Variants in PABIR2 observed in about 807,000 individuals in gnomAD.
PABIR2 encodes PABIR family member 2, also known as family with sequence similarity 122B.
PABIR2 carries 7 observed loss-of-function variants against 22.8 expected under a neutral mutation model. The observed-to-expected ratio is 0.31, with a 90% CI of 0.17 to 0.58. PABIR2 has a LOEUF of 0.58. Among genes scored for constraint, PABIR2 ranks in the 20% least tolerant of loss-of-function variants. PABIR2 has a pLI of 0.89. For synonymous variants in PABIR2, 67 were observed against 73.8 expected (o/e 0.91, Z 0.47); for missense variants, 155 against 205.1 (o/e 0.76, Z 1.49).
At chrX:134,773,301 T>C (rs1380533235) in intron 9 of PABIR2, among the ~76,000 whole-genome samples, 2 of 109,758 alleles carry the variant, frequency 1.8e-5, no homozygotes, top group African/African-American at 6.6e-5. Flanking sequence ...GCCTGCCAAG[T>C]GCAGGAAGCA....
intron 2 of PABIR2, chrX:134,793,530 T>C: frequency 2.5e-6 from 1 of 407,932 alleles, no homozygotes; most frequent in Non-Finnish European, 4.5e-6. Flanking sequence ...TCAGCTATAA[T>C]TAGGAGTTAA....
Position 134,773,560 on chromosome X carries a change from G to A in PABIR2, c.660-1277C>T, listed in dbSNP as rs138739014. Among the ~76,000 whole-genome samples, 742 of 112,053 alleles carry A rather than the reference G, an allele frequency of 6.6e-3. 4 individuals are homozygous for A. Among genetic ancestry groups the A allele is most frequent in the African/African-American group, 0.023 (710 of 31,078 alleles). On this transcript the variant is annotated intron_variant, in intron 9 of 9. Transcript: ENST00000343004. Reference sequence around the variant, plus strand: ...TGATATTTGCTATAATCTGAAGGATGAGCAGGTATTAACTAGTTAAGATTT... The same window carrying A: ...TGATATTTGCTATAATCTGAAGGATAAGCAGGTATTAACTAGTTAAGATTT...
chrX:134,777,524 C>CAAA (rs1177263144), intron 9 of PABIR2, among the ~76,000 whole-genome samples: 3 of 29,521 alleles, frequency 1.0e-4, no homozygotes, highest in Non-Finnish European at 1.4e-4. Flanking sequence ...GATCTTGTAT[C>CAAA]AAAAAAAAAA....
At position 134,793,896 on chromosome X, in the gene PABIR2, G is replaced by A. The variant is rs759642907; in HGVS notation, c.99-3C>T. ...GTTGGAAAACCTGTGAAAGGTCACT[G>A]AAAAAAACAAAAACAAACAAACAAA... On this transcript the variant is annotated splice_polypyrimidine_tract_variant and splice_region_variant and intron_variant, in intron 1 of 9. Coordinates refer to ENST00000343004, the MANE Select transcript of PABIR2 (RefSeq NM_001387468.1). The A allele has an allele frequency of 8.4e-7, 1 of 1,196,385 alleles. No individual in the cohort carries two copies. The highest frequency in any genetic ancestry group is 1.1e-6 in the Non-Finnish European group (1 of 890,684).
chrX:134,777,138 C>T (rs1367225923), intron 9 of PABIR2, among the ~76,000 whole-genome samples: 4 of 112,136 alleles, frequency 3.6e-5, no homozygotes, highest in Non-Finnish European at 7.5e-5. Context: ...AGGTTGCCAA[C>T]CTTGGTAGCA....
intron 9 of PABIR2, among the ~76,000 whole-genome samples, chrX:134,779,888 A>G (rs1412094366): frequency 2.7e-5 from 3 of 112,480 alleles, no homozygotes; most frequent in Non-Finnish European, 5.6e-5. Context: ...AGTTTCATCC[A>G]ATAGTCCTCT....
intron 2 of PABIR2, among the ~76,000 whole-genome samples, chrX:134,793,002 T>A (rs2079595456): frequency 1.8e-5 from 2 of 112,025 alleles, no homozygotes; most frequent in Non-Finnish European, 3.8e-5. Flanking sequence ...TTTTTCCCTC[T>A]CCTCCCTTGC....
chrX:134,786,970 GA>G (rs1569428958), intron 7 of PABIR2, among the ~76,000 whole-genome samples: 1 of 110,656 alleles, frequency 9.0e-6, no homozygotes, highest in African/African-American at 3.3e-5. Flanking sequence ...AAAAAGAAAA[GA>G]AAAAACTCTG....
intron 9 of PABIR2, among the ~76,000 whole-genome samples, chrX:134,778,365 G>T (rs955991275): frequency 9.5e-6 from 1 of 105,579 alleles, no homozygotes; most frequent in Non-Finnish European, 2.0e-5. Context: ...TTAGCCGGGC[G>T]TGGTGGTGCA....
At chrX:134,791,462 G>A (rs1194333884) in intron 2 of PABIR2, among the ~76,000 whole-genome samples, 6 of 110,459 alleles carry the variant, frequency 5.4e-5, no homozygotes, top group Non-Finnish European at 9.5e-5. Flanking sequence ...AGAGGGGAAG[G>A]AAAAGGGAAG....
At chrX:134,779,712 AT>A (rs1245564261) in intron 9 of PABIR2, among the ~76,000 whole-genome samples, 1 of 112,885 alleles carries the variant, frequency 8.9e-6, no homozygotes. Context: ...CAATAAAAAA[AT>A]AAGTCACCTC....
rs1392252229 is a variant in PABIR2 at position 134,770,447 on chromosome X, C to T, written c.*1692G>A. 4 of 112,590 alleles carry T rather than the reference C, an allele frequency of 3.6e-5. No homozygotes were observed. Among genetic ancestry groups the T allele is most frequent in the Non-Finnish European group, 7.5e-5 (4 of 53,202 alleles). The allele number at this position is 112,590 out of a possible 1,213,427, so 9.3% of individuals were successfully genotyped here. A position where few individuals can be genotyped will look rare whatever the true frequency, so the allele number is the denominator to read the frequency against. On this transcript the variant is annotated 3_prime_UTR_variant, in exon 10 of 10. Transcript: ENST00000343004. ...CGGATGCTGTAACAGAAGTACTGCA[C>T]GCTAAGTGATGCTCTCTTGTAATTG...
Position 134,776,329 on chromosome X carries a change from G to A in PABIR2, c.660-4046C>T, listed in dbSNP as rs755361709. 1.2e-4 allele frequency among the ~76,000 whole-genome samples: 13 copies of A among 111,374 alleles called. No individual in the cohort carries two copies. In the South Asian group the frequency reaches 1.9e-3, roughly 16 times the overall value. ...GGGTAAGGAAATTTGTAAGTTTTCC[G>A]TTCATAAAAAAGAAAGACTATCATT... On this transcript the variant is annotated intron_variant, in intron 9 of 9. Transcript: ENST00000343004.
Position 134,779,417 on chromosome X carries a change from C to G in PABIR2, c.659+2404G>C, listed in dbSNP as rs973624356. Among the ~76,000 whole-genome samples the G allele has an allele frequency of 9.0e-4, 100 of 111,009 alleles. 3 individuals carry two copies. Among genetic ancestry groups the G allele is most frequent in the Non-Finnish European group, 7.6e-5 (4 of 52,956 alleles). On this transcript the variant is annotated intron_variant, in intron 9 of 9. Coordinates refer to ENST00000343004, the MANE Select transcript of PABIR2 (RefSeq NM_001387468.1). ...CTCCAGCCTGGGCGACAGAGCGAGA[C>G]TCTGTCTCAAAAAAATAAAATAAAA...
Position 134,771,566 on chromosome X carries a change from T to C in PABIR2, c.*573A>G, listed in dbSNP as rs2078838539. 1 of 936,727 alleles carries C rather than the reference T, an allele frequency of 1.1e-6. No homozygotes were observed. The highest frequency in any genetic ancestry group is 1.3e-6 in the Non-Finnish European group (1 of 755,889). 77.2% of individuals were successfully genotyped at this position (936,727 alleles called of 1,213,427 possible). On this transcript the variant is annotated 3_prime_UTR_variant, in exon 10 of 10. Transcript: ENST00000343004. ...AGTAATGAAAGCAACTACGTATTTCTTCCCCTCTGTGAGAAATGGCATAAG... is the reference window on the plus strand; with the variant it reads ...AGTAATGAAAGCAACTACGTATTTCCTCCCCTCTGTGAGAAATGGCATAAG...
intron 2 of PABIR2, among the ~76,000 whole-genome samples, chrX:134,791,118 A>C (rs1160385388): frequency 9.0e-6 from 1 of 111,377 alleles, no homozygotes; most frequent in Non-Finnish European, 1.9e-5. Flanking sequence ...ACAATTTTAG[A>C]CAAAACTGGA....
In PABIR2 at chrX:134,786,396, T is replaced by C. The variant is rs763558247; in HGVS notation, c.498-446A>G. 4.5e-5 allele frequency among the ~76,000 whole-genome samples: 5 copies of C among 110,211 alleles called. No homozygotes were observed. In the South Asian group the frequency reaches 2.0e-3, roughly 43 times the overall value. On this transcript the variant is annotated intron_variant, in intron 7 of 9. Transcript: ENST00000343004. Reference sequence around the variant, plus strand: ...AGCCAGGCGTGGTGGTGCATGCCTGTAATCCCAGCTACCCAGGAGGCTGAG... The same window carrying C: ...AGCCAGGCGTGGTGGTGCATGCCTGCAATCCCAGCTACCCAGGAGGCTGAG...
At chrX:134,791,835 C>T (rs193162875) in intron 2 of PABIR2, among the ~76,000 whole-genome samples, 3 of 111,714 alleles carry the variant, frequency 2.7e-5, no homozygotes, top group Admixed American at 9.5e-5. Flanking sequence ...GCCAGAGGCA[C>T]CTTAAATCCA....
At chrX:134,774,215 T>C (rs2078905280) in intron 9 of PABIR2, among the ~76,000 whole-genome samples, 1 of 112,312 alleles carries the variant, frequency 8.9e-6, no homozygotes, top group African/African-American at 3.2e-5. Context: ...TTCAAACTAC[T>C]GAAAGAAAGT....
Sources: allele counts gnomAD v4.1 joint callset (sites outside exome capture counted in the v4.1 genomes callset), GRCh38; gene constraint gnomAD v4.1.1; transcripts MANE v1.5; gene names NCBI Gene and HGNC (gene_info 2026-07-23, HGNC 2026-07-21).